Variants in SCAI observed in about 807,000 individuals in gnomAD.
The protein encoded by SCAI is suppressor of cancer cell invasion, also known as protein SCAI.
In SCAI, 24 loss-of-function variants were observed where a neutral mutation model predicts 92.2. That is an observed-to-expected ratio of 0.26 (90% CI 0.19 to 0.37). SCAI has a LOEUF of 0.37. Among genes scored for constraint, SCAI ranks in the 10% least tolerant of loss-of-function variants. SCAI has a pLI of 1.00. For missense variants in SCAI, 450 were observed against 736.2 expected (o/e 0.61, Z 4.50); for synonymous variants, 261 against 258.6 (o/e 1.01, Z -0.09).
intron 2 of SCAI, among the ~76,000 whole-genome samples, chr9:125,093,404 C>T (rs974851888): frequency 1.3e-5 from 2 of 152,000 alleles, no homozygotes; most frequent in Non-Finnish European, 2.9e-5. Flanking sequence ...ACAGGCTGCT[C>T]CTTCTCAAAG....
At chr9:125,013,525 G>C (rs913042328) in intron 9 of SCAI, among the ~76,000 whole-genome samples, 7 of 152,220 alleles carry the variant, frequency 4.6e-5, no homozygotes, top group African/African-American at 1.4e-4. Context: ...CTCTGAAATT[G>C]TGGCAATAAT....
At chr9:125,082,039 A>C (rs1270631789) in intron 2 of SCAI, among the ~76,000 whole-genome samples, 1 of 152,160 alleles carries the variant, frequency 6.6e-6, no homozygotes, top group Non-Finnish European at 1.5e-5. Flanking sequence ...TATGGAAAAA[A>C]TGTCCAGGGA....
intron 2 of SCAI, chr9:125,142,333 T>C (rs1056859141): frequency 1.4e-4 from 32 of 221,090 alleles, no homozygotes; most frequent in African/African-American, 4.8e-5. Flanking sequence ...CTGGAGAAAA[T>C]GAAATTATGG....
intron 9 of SCAI, among the ~76,000 whole-genome samples, chr9:125,013,392 C>T (rs1384826888): frequency 6.6e-6 from 1 of 152,154 alleles, no homozygotes; most frequent in Non-Finnish European, 1.5e-5. Flanking sequence ...TCAGAGAATA[C>T]TATATACACC....
Position 125,032,195 on chromosome 9 carries a change from A to ATATTTTTTTTT in SCAI, c.231-2457_231-2456insAAAAAAAAATA, listed in dbSNP as rs1177865840. Among the ~76,000 whole-genome samples the ATATTTTTTTTT allele has an allele frequency of 8.9e-4, 88 of 99,432 alleles. 1 individual carries two copies. Among genetic ancestry groups the ATATTTTTTTTT allele is most frequent in the African/African-American group, 4.0e-3 (84 of 21,000 alleles). The allele number at this position is 99,432 out of a possible 152,430, so 65.2% of individuals were successfully genotyped here. A position where few individuals can be genotyped will look rare whatever the true frequency, so the allele number is the denominator to read the frequency against. ...AATATATATATATATATATATATAT[A>ATATTTTTTTTT]TTTTTTTTTTTTTTTGAGATGGAGT... On this transcript the variant is annotated intron_variant, in intron 3 of 17. Transcript: ENST00000336505.
chr9:125,085,732 G>C (rs1834312863), intron 2 of SCAI, among the ~76,000 whole-genome samples: 1 of 152,192 alleles, frequency 6.6e-6, no homozygotes, highest in South Asian at 2.1e-4. Flanking sequence ...AGTGAGCCGT[G>C]ATCGCACCTG....
intron 9 of SCAI, among the ~76,000 whole-genome samples, chr9:125,006,570 C>A (rs1168945112): frequency 6.6e-6 from 1 of 152,210 alleles, no homozygotes; most frequent in African/African-American, 2.4e-5. Flanking sequence ...CGGCTCACTG[C>A]AACCTCTGCC....
At chr9:125,041,956 A>C (rs1833324923) in intron 3 of SCAI, among the ~76,000 whole-genome samples, 1 of 152,138 alleles carries the variant, frequency 6.6e-6, no homozygotes, top group Non-Finnish European at 1.5e-5. Context: ...ATCTAAAATT[A>C]ACTAAGGTAC....
chr9:125,024,175 TA>T (rs911216105), intron 6 of SCAI, among the ~76,000 whole-genome samples: 15 of 151,928 alleles, frequency 9.9e-5, no homozygotes, highest in Non-Finnish European at 1.6e-4. Context: ...TTCTGAACAA[TA>T]AATGACATGT....
chr9:125,137,075 A>T (rs1835552819), intron 2 of SCAI, among the ~76,000 whole-genome samples: 1 of 152,122 alleles, frequency 6.6e-6, no homozygotes, highest in Admixed American at 6.6e-5. Flanking sequence ...ATTTTTTTAA[A>T]TATCTGGCTA....
intron 9 of SCAI, among the ~76,000 whole-genome samples, chr9:125,013,899 C>T (rs62582243): frequency 2.0e-5 from 3 of 151,424 alleles, no homozygotes; most frequent in African/African-American, 2.4e-5. Flanking sequence ...AAATGTAATC[C>T]AGCATATAAA....
intron 17 of SCAI, among the ~76,000 whole-genome samples, chr9:124,965,188 A>ATTAT (rs1458812381): frequency 6.6e-6 from 1 of 152,102 alleles, no homozygotes; most frequent in Non-Finnish European, 1.5e-5. Flanking sequence ...TTGCTTTGTT[A>ATTAT]TATAATGAGT....
chr9:124,945,156 T>C lies in SCAI; in HGVS notation c.*7651A>G, dbSNP rs1251289815. 6.7e-6 allele frequency: 1 copy of C among 150,330 alleles called. No homozygotes were observed. The highest frequency in any genetic ancestry group is 1.5e-5 in the Non-Finnish European group (1 of 67,764). The allele number at this position is 150,330 out of a possible 1,614,324, so 9.3% of individuals were successfully genotyped here. On this transcript the variant is annotated 3_prime_UTR_variant, in exon 18 of 18. Transcript: ENST00000336505. ...GAAATTTAGGCTTGAATAAGTGAGT[T>C]TGTAGTTTTAATATAATGTACTTCA...
At chr9:125,069,851 A>C (rs1052806000) in intron 2 of SCAI, among the ~76,000 whole-genome samples, 26 of 151,560 alleles carry the variant, frequency 1.7e-4, no homozygotes, top group African/African-American at 6.3e-4. Flanking sequence ...CGAACTCCTG[A>C]CCTCAGGTGA....
chr9:125,037,417 A>G (rs1833221226), intron 3 of SCAI, among the ~76,000 whole-genome samples: 1 of 152,090 alleles, frequency 6.6e-6, no homozygotes, highest in Admixed American at 6.6e-5. Context: ...CCTACAAAAA[A>G]AAAAAGAAAA....
intron 2 of SCAI, among the ~76,000 whole-genome samples, chr9:125,132,398 C>T (rs1835421387): frequency 6.6e-6 from 1 of 152,072 alleles, no homozygotes; most frequent in Non-Finnish European, 1.5e-5. Flanking sequence ...AGGTGTGAGC[C>T]ACTGCATCCA....
intron 3 of SCAI, among the ~76,000 whole-genome samples, chr9:125,046,914 A>G (rs957120578): frequency 1.3e-5 from 2 of 151,978 alleles, no homozygotes; most frequent in Non-Finnish European, 2.9e-5. Context: ...TTATTGTTTA[A>G]TATTTTAGCA....
At chr9:125,088,975 G>A (rs996929788) in intron 2 of SCAI, among the ~76,000 whole-genome samples, 3 of 151,978 alleles carry the variant, frequency 2.0e-5, no homozygotes, top group Admixed American at 6.6e-5. Context: ...TTGTTTTGAC[G>A]GCTAAAAATA....
chr9:125,012,551 G>C (rs1300381426), intron 9 of SCAI, among the ~76,000 whole-genome samples: 1 of 152,102 alleles, frequency 6.6e-6, no homozygotes, highest in East Asian at 1.9e-4. Flanking sequence ...GACCTACAAA[G>C]AGACTTAGAC....
Sources: gnomAD v4.1 joint callset for allele counts (sites outside exome capture counted in the v4.1 genomes callset) on GRCh38, gnomAD v4.1.1 for gene constraint, MANE v1.5 for transcripts, NCBI Gene and HGNC (gene_info 2026-07-23, HGNC 2026-07-21) for gene names.